AKAIN1: variants seen among roughly 807,000 people sequenced by gnomAD.
The protein encoded by AKAIN1 is A-kinase anchor protein inhibitor 1.
AKAIN1 carries 3 observed loss-of-function variants against 3.7 expected under a neutral mutation model. That is an observed-to-expected ratio of 0.82 (90% CI 0.37 to 2.12). AKAIN1 has a LOEUF of 2.12. AKAIN1 is among the 30% of genes most tolerant of loss of function. The pLI is 0.06. For synonymous variants in AKAIN1, 31 were observed against 30.8 expected (o/e 1.01, Z -0.02); for missense variants, 82 against 82.7 (o/e 0.99, Z 0.03).
At chr18:5,181,869 G>A (rs933936896) in intron 1 of AKAIN1, among the ~76,000 whole-genome samples, 1 of 152,032 alleles carries the variant, frequency 6.6e-6, no homozygotes, top group Non-Finnish European at 1.5e-5. Flanking sequence ...GGTAATGTAG[G>A]TCCTAATACC....
At chr18:5,166,822 T>G (rs1344513017) in intron 1 of AKAIN1, among the ~76,000 whole-genome samples, 1 of 152,104 alleles carries the variant, frequency 6.6e-6, no homozygotes, top group Non-Finnish European at 1.5e-5. Context: ...CAAAAACATG[T>G]GAGCATCTGT....
At chr18:5,146,668 G>A (rs2071051271) in intron 1 of AKAIN1, among the ~76,000 whole-genome samples, 1 of 152,152 alleles carries the variant, frequency 6.6e-6, no homozygotes. Context: ...TCCCCGCCTG[G>A]TGATCTAGAG....
chr18:5,172,879 G>A (rs2071205642), intron 1 of AKAIN1, among the ~76,000 whole-genome samples: 1 of 151,974 alleles, frequency 6.6e-6, no homozygotes, highest in East Asian at 1.9e-4. Context: ...GAAAATAGGT[G>A]TGGAATCTAA....
At chr18:5,146,387 C>A (rs1053594282) in intron 1 of AKAIN1, among the ~76,000 whole-genome samples, 1 of 152,192 alleles carries the variant, frequency 6.6e-6, no homozygotes, top group African/African-American at 2.4e-5. Flanking sequence ...TCTGTACCAG[C>A]CCTGGGCCAC....
At chr18:5,186,491 T>C (rs536078542) in intron 1 of AKAIN1, among the ~76,000 whole-genome samples, 1 of 152,156 alleles carries the variant, frequency 6.6e-6, no homozygotes, top group Admixed American at 6.5e-5. Flanking sequence ...CAAGAAGACA[T>C]AACAATCTCA....
Position 5,145,678 on chromosome 18 carries a change from G to T in AKAIN1, c.94C>A (p.Gln32Lys), listed in dbSNP as rs1243014998. The T allele has an allele frequency of 1.3e-6, 2 of 1,551,548 alleles. No individual in the cohort carries two copies. Among genetic ancestry groups the T allele is most frequent in the Admixed American group, 2.0e-5 (1 of 50,992 alleles). The change falls in exon 2 of 2, where the codon CAA becomes AAA. Residue 32 changes from glutamine (Q) to lysine (K), a missense_variant. Transcript: ENST00000434239. ...TCCTGGGAGACTTGCTGCACAGCTT[G>T]CAGGATTGCATTCTGCACAATCTGT... ...SKQIVQNAILQAVQQVSQESQ... is the reference protein window; with the variant it reads ...SKQIVQNAILKAVQQVSQESQ...
rs910371379 is a variant in AKAIN1 at position 5,157,880 on chromosome 18, G to A, written c.17-12125C>T. Reference sequence around the variant, plus strand: ...TTTAAATTTTTAATCTTTTTGCAGAGATAGGGTCTCACTATGTTGCCCAGG... The same window carrying A: ...TTTAAATTTTTAATCTTTTTGCAGAAATAGGGTCTCACTATGTTGCCCAGG... On this transcript the variant is annotated intron_variant, in intron 1 of 1. Coordinates refer to ENST00000434239, the MANE Select transcript of AKAIN1 (RefSeq NM_001145194.2). Among the ~76,000 whole-genome samples, 8 of 152,004 alleles carry A rather than the reference G, an allele frequency of 5.3e-5. 1 individual carries two copies. Among genetic ancestry groups the A allele is most frequent in the Non-Finnish European group, 1.2e-4 (8 of 68,028 alleles).
Position 5,145,558 on chromosome 18 carries a change from C to T in AKAIN1, c.*4G>A, listed in dbSNP as rs1325091998. 1 of 1,550,138 alleles carries T rather than the reference C, an allele frequency of 6.5e-7. No homozygotes were observed. Among genetic ancestry groups the T allele is most frequent in the African/African-American group, 1.4e-5 (1 of 73,004 alleles). Reference sequence around the variant, plus strand: ...AGCACATGTCAAGAGCCAAATCCACCATGTTACTTCTTTTCGTGCTTCTTG... The same window carrying T: ...AGCACATGTCAAGAGCCAAATCCACTATGTTACTTCTTTTCGTGCTTCTTG... On this transcript the variant is annotated 3_prime_UTR_variant, in exon 2 of 2. Transcript: ENST00000434239.
intron 1 of AKAIN1, among the ~76,000 whole-genome samples, chr18:5,151,847 G>C (rs186083358): frequency 2.0e-5 from 3 of 152,262 alleles, no homozygotes; most frequent in African/African-American, 2.4e-5. Context: ...TAAGCCACTA[G>C]GCCAAAATGT....
At chr18:5,179,145 C>T (rs2071242873) in intron 1 of AKAIN1, among the ~76,000 whole-genome samples, 1 of 152,112 alleles carries the variant, frequency 6.6e-6, no homozygotes, top group African/African-American at 2.4e-5. Context: ...GTGTAGCCAT[C>T]ACCTGAATAG....
At chr18:5,157,247 C>T (rs901324374) in intron 1 of AKAIN1, among the ~76,000 whole-genome samples, 17 of 152,248 alleles carry the variant, frequency 1.1e-4, no homozygotes, top group East Asian at 3.9e-4. Flanking sequence ...CTGCAGCTTC[C>T]GTCTTCAGGA....
chr18:5,167,098 G>C (rs947308092), intron 1 of AKAIN1, among the ~76,000 whole-genome samples: 4 of 152,074 alleles, frequency 2.6e-5, no homozygotes, highest in Non-Finnish European at 5.9e-5. Context: ...AAAGCAGTGT[G>C]ATGTTAGCAC....
chr18:5,156,180 C>G (rs2071107049), intron 1 of AKAIN1, among the ~76,000 whole-genome samples: 1 of 152,052 alleles, frequency 6.6e-6, no homozygotes. Context: ...ACATGCTCTC[C>G]CTTCCTGGGA....
intron 1 of AKAIN1, chr18:5,159,516 GCTTAAAAGTTT>G (rs1278733554): frequency 3.9e-5 from 6 of 152,070 alleles, no homozygotes; most frequent in African/African-American, 1.4e-4. Context: ...GTAGATAGTG[GCTTAAAAGTTT>G]CTAGCAAGCA....
At chr18:5,157,426 A>G (rs894579263) in intron 1 of AKAIN1, among the ~76,000 whole-genome samples, 1 of 152,206 alleles carries the variant, frequency 6.6e-6, no homozygotes, top group Admixed American at 6.5e-5. Context: ...ATGTAAATCC[A>G]ATCTGTCATG....
At chr18:5,196,353 C>T (rs2071347691) in intron 1 of AKAIN1, among the ~76,000 whole-genome samples, 1 of 152,258 alleles carries the variant, frequency 6.6e-6, no homozygotes, top group Admixed American at 6.5e-5. Context: ...CGCCGCCAAG[C>T]CGGTCAACCG....
In AKAIN1 at chr18:5,178,603, G is replaced by A. The variant is rs551584572; in HGVS notation, c.16+18435C>T. On this transcript the variant is annotated intron_variant, in intron 1 of 1. Coordinates refer to ENST00000434239, the MANE Select transcript of AKAIN1 (RefSeq NM_001145194.2). ...CATTCATTTATACGACATGTACAGA[G>A]CACTTGTATGTGCCAAGAGGAGATG... Among the ~76,000 whole-genome samples, 229 of 152,256 alleles carry A rather than the reference G, an allele frequency of 1.5e-3. 1 individual carries two copies. The highest frequency in any genetic ancestry group is 5.3e-3 in the African/African-American group (220 of 41,554).
In AKAIN1 at chr18:5,197,064, A is replaced by T; in HGVS notation, c.-11T>A. ...TGGAGCGAACACCATGATTTCTTCC[A>T]GCCGCTACGCCCCCAGATTAAGAGA... On this transcript the variant is annotated 5_prime_UTR_variant, in exon 1 of 2. Coordinates refer to ENST00000434239, the MANE Select transcript of AKAIN1 (RefSeq NM_001145194.2). The surrounding 1 kb of genome is among the most constrained non-coding windows in gnomAD (Gnocchi z 6.9). The T allele has an allele frequency of 2.6e-6, 4 of 1,551,632 alleles. No individual in the cohort carries two copies. Among genetic ancestry groups the T allele is most frequent in the Non-Finnish European group, 3.5e-6 (4 of 1,146,952 alleles).
intron 1 of AKAIN1, among the ~76,000 whole-genome samples, chr18:5,185,422 T>C (rs1187420368): frequency 7.2e-5 from 11 of 151,888 alleles, no homozygotes; most frequent in Admixed American, 2.0e-4. Flanking sequence ...TACAAAATGG[T>C]AGAAAAATAT....
Sources: allele counts gnomAD v4.1 joint callset (sites outside exome capture counted in the v4.1 genomes callset), GRCh38; gene constraint gnomAD v4.1.1; non-coding constraint Gnocchi (gnomAD v3.1); transcripts MANE v1.5; gene names NCBI Gene and HGNC (gene_info 2026-07-23, HGNC 2026-07-21).